Variants in ZFPM2 observed in about 807,000 individuals in gnomAD.
ZFPM2 encodes the protein zinc finger protein ZFPM2.
In ZFPM2, 20 loss-of-function variants were observed where a neutral mutation model predicts 98.6. The ratio of observed to expected loss-of-function variants is 0.20; its 90% CI spans 0.14 to 0.29. The LOEUF is 0.29. ZFPM2 is among the 10% of genes least tolerant of loss of function. The pLI is 1.00. For missense variants in ZFPM2, 1,310 were observed against 1,388.6 expected (o/e 0.94, Z 0.90); for synonymous variants, 518 against 502.7 (o/e 1.03, Z -0.41).
At chr8:105,409,977 T>C (rs1210397064) in intron 1 of ZFPM2, among the ~76,000 whole-genome samples, 4 of 152,044 alleles carry the variant, frequency 2.6e-5, no homozygotes, top group Middle Eastern at 3.4e-3. Context: ...TGGAAGCAGT[T>C]ATTTTATTAA....
At chr8:105,792,002 T>C (rs1235227875) in intron 6 of ZFPM2, among the ~76,000 whole-genome samples, 1 of 152,206 alleles carries the variant, frequency 6.6e-6, no homozygotes, top group Non-Finnish European at 1.5e-5. Flanking sequence ...TTAGTCTTGC[T>C]AGCGGTCTAT....
chr8:105,539,844 C>G (rs1356194188), intron 3 of ZFPM2, among the ~76,000 whole-genome samples: 1 of 152,052 alleles, frequency 6.6e-6, no homozygotes, highest in Non-Finnish European at 1.5e-5. Context: ...AATCTTTAGC[C>G]TTTCTTACCT....
intron 5 of ZFPM2, among the ~76,000 whole-genome samples, chr8:105,670,359 G>A (rs936554139): frequency 1.3e-5 from 2 of 152,096 alleles, no homozygotes; most frequent in East Asian, 1.9e-4. Flanking sequence ...AGCTGGGCGC[G>A]GTGGCGGGCG....
chr8:105,438,018 G>A (rs769072903), intron 2 of ZFPM2, among the ~76,000 whole-genome samples: 5 of 152,128 alleles, frequency 3.3e-5, no homozygotes, highest in Non-Finnish European at 5.9e-5. Context: ...ACTCCAGCCT[G>A]GCAGGGAGAG....
At chr8:105,428,414 G>A (rs1391400689) in intron 2 of ZFPM2, among the ~76,000 whole-genome samples, 1 of 152,158 alleles carries the variant, frequency 6.6e-6, no homozygotes, top group Non-Finnish European at 1.5e-5. Flanking sequence ...TTGATATAAT[G>A]TAAGGGGCTA....
intron 2 of ZFPM2, among the ~76,000 whole-genome samples, chr8:105,438,547 T>G (rs1482624971): frequency 6.6e-6 from 1 of 152,226 alleles, no homozygotes. Flanking sequence ...TTTTTTCTCA[T>G]TATTTTTTCT....
At chr8:105,605,050 C>T (rs1351542888) in intron 4 of ZFPM2, among the ~76,000 whole-genome samples, 1 of 152,080 alleles carries the variant, frequency 6.6e-6, no homozygotes, top group Non-Finnish European at 1.5e-5. Flanking sequence ...CATTGCCATT[C>T]TCATTCTCAA....
chr8:105,378,782 G>A (rs542096954), intron 1 of ZFPM2, among the ~76,000 whole-genome samples: 6 of 152,234 alleles, frequency 3.9e-5, no homozygotes, highest in Admixed American at 2.0e-4. Context: ...AGATAAAGAA[G>A]AAGAAAATAA....
rs140350672 is a variant in ZFPM2 at position 105,765,596 on chromosome 8, G to A, written c.533-23122G>A. Among the ~76,000 whole-genome samples the A allele has an allele frequency of 2.6e-3, 402 of 151,956 alleles. 1 individual carries two copies. The highest frequency in any genetic ancestry group is 8.3e-3 in the African/African-American group (346 of 41,496). Reference sequence around the variant, plus strand: ...AATGGTAGAAGAAATCCGAAGAGAAGCATGCCCTTCTCTATGGAGGTTGGA... The same window carrying A: ...AATGGTAGAAGAAATCCGAAGAGAAACATGCCCTTCTCTATGGAGGTTGGA... On this transcript the variant is annotated intron_variant, in intron 5 of 7. Transcript: ENST00000407775.
chr8:105,487,905 T>G (rs1228003054), intron 3 of ZFPM2, among the ~76,000 whole-genome samples: 1 of 76,128 alleles, frequency 1.3e-5, no homozygotes, highest in Non-Finnish European at 3.2e-5. Context: ...TATCTATCTA[T>G]CTATCTATCT....
intron 2 of ZFPM2, among the ~76,000 whole-genome samples, chr8:105,420,830 G>A (rs1811776755): frequency 6.6e-6 from 1 of 152,060 alleles, no homozygotes; most frequent in African/African-American, 2.4e-5. Context: ...GCAATAAAGA[G>A]AGGAATTGAG....
intron 4 of ZFPM2, among the ~76,000 whole-genome samples, chr8:105,601,413 A>G (rs147428740): frequency 7.2e-5 from 11 of 152,184 alleles, no homozygotes; most frequent in Non-Finnish European, 1.5e-4. Flanking sequence ...GGATTTGGAC[A>G]TGTCTATTCA....
chr8:105,507,183 T>C (rs1300294723), intron 3 of ZFPM2, among the ~76,000 whole-genome samples: 1 of 152,158 alleles, frequency 6.6e-6, no homozygotes, highest in African/African-American at 2.4e-5. Flanking sequence ...TACAGTTATC[T>C]AAGATGAAAG....
chr8:105,419,346 G>T (rs1586358746), intron 2 of ZFPM2, 44 bp downstream of exon 2: 1 of 1,578,706 alleles, frequency 6.3e-7, no homozygotes, highest in South Asian at 1.2e-5. Flanking sequence ...CCACTTAAAT[G>T]ATTTTGTAAT....
intron 3 of ZFPM2, among the ~76,000 whole-genome samples, chr8:105,471,558 A>G (rs1233319758): frequency 2.6e-5 from 4 of 152,216 alleles, no homozygotes; most frequent in African/African-American, 9.6e-5. Flanking sequence ...AAGTCTGATC[A>G]TCAGAATGTA....
chr8:105,351,785 T>C (rs1812651350), intron 1 of ZFPM2, among the ~76,000 whole-genome samples: 4 of 152,150 alleles, frequency 2.6e-5, no homozygotes, highest in Admixed American at 2.0e-4. Flanking sequence ...AATATTCAAA[T>C]TCATTGCTGT....
chr8:105,757,484 T>TA (rs2131065272), intron 5 of ZFPM2, among the ~76,000 whole-genome samples: 1 of 152,312 alleles, frequency 6.6e-6, no homozygotes, highest in South Asian at 2.1e-4. Context: ...TCTAAACACA[T>TA]ATTAAAAATT....
chr8:105,444,719 G>A (rs1812333132), intron 3 of ZFPM2, among the ~76,000 whole-genome samples: 1 of 151,994 alleles, frequency 6.6e-6, no homozygotes, highest in African/African-American at 2.4e-5. Flanking sequence ...ACAAGAAACA[G>A]TACTTCAAAG....
At chr8:105,344,818 G>C (rs1812486851) in intron 1 of ZFPM2, among the ~76,000 whole-genome samples, 1 of 152,028 alleles carries the variant, frequency 6.6e-6, no homozygotes, top group African/African-American at 2.4e-5. Context: ...AAGCTGAGGA[G>C]TTTTATTATG....
Sources: allele counts gnomAD v4.1 joint callset (sites outside exome capture counted in the v4.1 genomes callset), GRCh38; gene constraint gnomAD v4.1.1; transcripts MANE v1.5; gene names NCBI Gene and HGNC (gene_info 2026-07-23, HGNC 2026-07-21).